The following INPP4B variants were observed in gnomAD, a reference collection of about 807,000 sequenced individuals.
The protein encoded by INPP4B is inositol polyphosphate 4-phosphatase type II.
In INPP4B, 55 loss-of-function variants were observed where a neutral mutation model predicts 122.5. That is an observed-to-expected ratio of 0.45 (90% CI 0.36 to 0.56). The LOEUF is 0.56. INPP4B is among the 20% of genes least tolerant of loss of function. The pLI, the probability that INPP4B is intolerant of heterozygous loss-of-function variation, is 0.00. For synonymous variants in INPP4B, 403 were observed against 388.7 expected, an observed-to-expected ratio of 1.04 and a Z score of -0.43; for missense variants, 1,000 against 1,097.7, an observed-to-expected ratio of 0.91 and a Z score of 1.26.
At chr4:142,744,202 A>T (rs1423519754) in intron 1 of INPP4B, among the ~76,000 whole-genome samples, 1 of 152,004 alleles carries the variant, frequency 6.6e-6, no homozygotes, top group Non-Finnish European at 1.5e-5. Context: ...GATGAGTTTA[A>T]CAGCAGGCCA....
intron 2 of INPP4B, chr4:142,566,137 G>C (rs1163537710): frequency 6.6e-6 from 1 of 152,124 alleles, no homozygotes; most frequent in Non-Finnish European, 1.5e-5. Context: ...CTTTACAGAA[G>C]AAAAATGACA....
intron 2 of INPP4B, among the ~76,000 whole-genome samples, chr4:142,547,908 G>T (rs17016344): frequency 6.6e-6 from 1 of 151,944 alleles, no homozygotes; most frequent in Admixed American, 6.6e-5. Context: ...GAATATTCAG[G>T]CAAAAACAAT....
At chr4:142,401,533 T>A (rs909485343) in intron 7 of INPP4B, among the ~76,000 whole-genome samples, 2 of 152,194 alleles carry the variant, frequency 1.3e-5, no homozygotes, top group East Asian at 3.9e-4. Context: ...ATTATTTTGG[T>A]TAATACTCCC....
At chr4:142,682,902 A>G (rs546543037) in intron 2 of INPP4B, among the ~76,000 whole-genome samples, 76 of 152,096 alleles carry the variant, frequency 5.0e-4, no homozygotes, top group Non-Finnish European at 8.8e-4. Flanking sequence ...AGTAAAGGAG[A>G]GTATATTGTA....
At chr4:142,765,582 T>G (rs1325162919) in intron 1 of INPP4B, among the ~76,000 whole-genome samples, 1 of 152,166 alleles carries the variant, frequency 6.6e-6, no homozygotes, top group Non-Finnish European at 1.5e-5. Flanking sequence ...TGAGAGAAAA[T>G]TTGCTTGAAG....
chr4:142,288,698 CCTTT>C lies in INPP4B; in HGVS notation c.503+16756_503+16759del, dbSNP rs559145787. Among the ~76,000 whole-genome samples, 12 of 151,110 alleles carry C rather than the reference CCTTT, an allele frequency of 7.9e-5. No homozygotes were observed. The East Asian group carries it at 2.3e-3, about 29-fold the overall frequency. On this transcript the variant is annotated intron_variant, in intron 9 of 25. Coordinates refer to ENST00000262992, the MANE Select transcript of INPP4B (RefSeq NM_001101669.3). Reference sequence around the variant, plus strand: ...CTTTATACATTTTCTTCTCTCTCATCCTTTCTATTTTTTTTCTTTTTCTCTGAAA... The same window carrying C: ...CTTTATACATTTTCTTCTCTCTCATCCTATTTTTTTTCTTTTTCTCTGAAA...
chr4:142,691,160 A>G (rs1450142975), intron 2 of INPP4B, among the ~76,000 whole-genome samples: 1 of 151,958 alleles, frequency 6.6e-6, no homozygotes, highest in Non-Finnish European at 1.5e-5. Context: ...TCATCTTAGC[A>G]TTCTCTTTAG....
At chr4:142,041,763 C>T (rs1184823534) in intron 25 of INPP4B, among the ~76,000 whole-genome samples, 3 of 152,174 alleles carry the variant, frequency 2.0e-5, no homozygotes, top group African/African-American at 7.2e-5. Flanking sequence ...CAGGATTCAG[C>T]ACAGCATCCT....
At chr4:142,823,949 G>A (rs760742823) in intron 1 of INPP4B, among the ~76,000 whole-genome samples, 7 of 152,226 alleles carry the variant, frequency 4.6e-5, no homozygotes, top group East Asian at 1.9e-4. Context: ...AAAAAAGATC[G>A]ACCCTCACCA....
At chr4:142,531,968 T>C (rs982785169) in intron 2 of INPP4B, among the ~76,000 whole-genome samples, 1 of 152,224 alleles carries the variant, frequency 6.6e-6, no homozygotes, top group African/African-American at 2.4e-5. Flanking sequence ...CTAATTATTA[T>C]TAAGACATAT....
intron 2 of INPP4B, among the ~76,000 whole-genome samples, chr4:142,697,634 A>C (rs1205759248): frequency 6.6e-6 from 1 of 152,196 alleles, no homozygotes; most frequent in East Asian, 1.9e-4. Context: ...ATATGGCCAA[A>C]GCATATACTG....
At chr4:142,155,051 T>C (rs902514068) in intron 17 of INPP4B, among the ~76,000 whole-genome samples, 2 of 151,738 alleles carry the variant, frequency 1.3e-5, no homozygotes, top group Admixed American at 6.6e-5. Flanking sequence ...TACACACATA[T>C]ATATGCATCT....
rs1313016788 is a variant in INPP4B at position 142,042,592 on chromosome 4, T to C, written c.2643-13678A>G. On this transcript the variant is annotated intron_variant, in intron 25 of 25. Transcript: ENST00000262992. ...TATTTATTTATTTTTAGACAGAGTC[T>C]CACTCCGTCGCCCAGGCTGGAGTGC... Among the ~76,000 whole-genome samples, 3 of 150,964 alleles carry C rather than the reference T, an allele frequency of 2.0e-5. 1 individual carries two copies. The highest frequency in any genetic ancestry group is 3.9e-4 in the East Asian group (2 of 5,184).
At chr4:142,311,319 T>C (rs888943514) in intron 8 of INPP4B, among the ~76,000 whole-genome samples, 1 of 152,186 alleles carries the variant, frequency 6.6e-6, no homozygotes, top group African/African-American at 2.4e-5. Flanking sequence ...TTTAGACTTA[T>C]TCTTACCGTG....
chr4:142,148,734 C>T (rs1272041495), intron 17 of INPP4B, among the ~76,000 whole-genome samples: 2 of 152,064 alleles, frequency 1.3e-5, no homozygotes, highest in Admixed American at 1.3e-4. Flanking sequence ...CCTTTGTAGC[C>T]TGTAAAGAGA....
chr4:142,674,456 C>T (rs1233394594), intron 2 of INPP4B, among the ~76,000 whole-genome samples: 2 of 151,946 alleles, frequency 1.3e-5, no homozygotes, highest in Admixed American at 6.6e-5. Flanking sequence ...TTGGTAGTAA[C>T]ATTAAAAATA....
At chr4:142,727,236 C>T (rs894622612) in intron 1 of INPP4B, among the ~76,000 whole-genome samples, 2 of 152,116 alleles carry the variant, frequency 1.3e-5, no homozygotes, top group African/African-American at 4.8e-5. Context: ...AGTGGTTCCC[C>T]TTGATTTTGC....
chr4:142,229,392 TG>T (rs1561545909), intron 12 of INPP4B, among the ~76,000 whole-genome samples: 2 of 152,088 alleles, frequency 1.3e-5, no homozygotes, highest in Non-Finnish European at 2.9e-5. Context: ...TATTAATACA[TG>T]AACTATATAA....
intron 11 of INPP4B, among the ~76,000 whole-genome samples, chr4:142,248,040 C>G (rs1729825591): frequency 6.6e-6 from 1 of 152,016 alleles, no homozygotes; most frequent in Non-Finnish European, 1.5e-5. Flanking sequence ...TGCCCCTGCC[C>G]TCCAGGCTCC....
Sources: gnomAD v4.1 joint callset for allele counts (sites outside exome capture counted in the v4.1 genomes callset) on GRCh38, gnomAD v4.1.1 for gene constraint, MANE v1.5 for transcripts, NCBI Gene and HGNC (gene_info 2026-07-23, HGNC 2026-07-21) for gene names.